Variants in IKZF2 observed in about 807,000 individuals in gnomAD.
The protein encoded by IKZF2 is zinc finger protein Helios.
Under a neutral mutation model 49.2 loss-of-function variants are expected in IKZF2, and 15 were observed. The ratio of observed to expected loss-of-function variants is 0.30; its 90% confidence interval spans 0.20 to 0.47. The LOEUF (loss-of-function observed/expected upper bound fraction) is 0.47. IKZF2 is among the 20% of genes least tolerant of loss of function. The pLI, the probability that IKZF2 is intolerant of heterozygous loss-of-function variation, is 1.00. For synonymous variants in IKZF2, 227 were observed against 221.4 expected (o/e 1.03, Z -0.23); for missense variants, 567 against 664.6 (o/e 0.85, Z 1.61).
intron 4 of IKZF2, among the ~76,000 whole-genome samples, chr2:213,066,767 T>C (rs1006616086): frequency 2.0e-5 from 3 of 152,080 alleles, no homozygotes; most frequent in African/African-American, 7.2e-5. Context: ...AATGAATGAA[T>C]GAGCATTTTA....
chr2:213,079,036 G>C (rs1703594390), intron 4 of IKZF2, among the ~76,000 whole-genome samples: 1 of 152,174 alleles, frequency 6.6e-6, no homozygotes, highest in Non-Finnish European at 1.5e-5. Flanking sequence ...TGCTATTGTT[G>C]TTGCTGTCTA....
intron 4 of IKZF2, among the ~76,000 whole-genome samples, chr2:213,134,608 G>C (rs982160523): frequency 5.3e-5 from 8 of 152,030 alleles, no homozygotes; most frequent in Non-Finnish European, 8.8e-5. Context: ...AATCCCTTAG[G>C]ACCCAGTTCT....
chr2:213,122,863 A>G (rs771540165), intron 4 of IKZF2, among the ~76,000 whole-genome samples: 15 of 152,204 alleles, frequency 9.9e-5, no homozygotes, highest in Non-Finnish European at 1.9e-4. Context: ...AGCTAGGGTC[A>G]GCTCCTCCTC....
intron 4 of IKZF2, among the ~76,000 whole-genome samples, chr2:213,071,789 T>C (rs1443611418): frequency 6.6e-6 from 1 of 152,106 alleles, no homozygotes; most frequent in Admixed American, 6.6e-5. Context: ...TATCAACAGG[T>C]AGTTCTCACT....
chr2:213,009,337 T>C (rs1265639717), intron 8 of IKZF2, among the ~76,000 whole-genome samples: 2 of 152,174 alleles, frequency 1.3e-5, no homozygotes, highest in Non-Finnish European at 2.9e-5. Context: ...ACAGAATATT[T>C]AGTCTTTTAC....
At chr2:213,038,083 CAG>C (rs1403831389) in intron 6 of IKZF2, among the ~76,000 whole-genome samples, 2 of 151,064 alleles carry the variant, frequency 1.3e-5, no homozygotes, top group South Asian at 4.2e-4. Flanking sequence ...TTTTTTGAGA[CAG>C]AGTCTCACTC....
At chr2:213,066,076 G>A (rs1270542157) in intron 4 of IKZF2, among the ~76,000 whole-genome samples, 2 of 152,034 alleles carry the variant, frequency 1.3e-5, no homozygotes, top group South Asian at 2.1e-4. Flanking sequence ...TCTGCTTAAC[G>A]TAACTGTAAG....
chr2:213,062,405 G>A (rs1051792604), intron 4 of IKZF2, among the ~76,000 whole-genome samples: 3 of 151,646 alleles, frequency 2.0e-5, no homozygotes, highest in African/African-American at 7.2e-5. Context: ...TGATCTTATA[G>A]AGTATAAAAT....
intron 4 of IKZF2, among the ~76,000 whole-genome samples, chr2:213,090,009 T>G (rs1212917655): frequency 2.0e-5 from 3 of 152,162 alleles, no homozygotes; most frequent in Non-Finnish European, 4.4e-5. Flanking sequence ...GGGAGAGACC[T>G]CCTGCCAAAA....
chr2:213,104,607 C>T (rs1330476427), intron 4 of IKZF2, among the ~76,000 whole-genome samples: 3 of 152,088 alleles, frequency 2.0e-5, no homozygotes, highest in South Asian at 2.1e-4. Flanking sequence ...CTAGATAGTA[C>T]GCAGAGTACG....
intron 1 of IKZF2, chr2:213,150,511 C>T (rs1405641957): frequency 7.9e-6 from 2 of 253,450 alleles, no homozygotes; most frequent in South Asian, 4.6e-5. Context: ...ACCCCTCCCC[C>T]TCGTCCCTTA....
chr2:213,063,344 G>T (rs140832181), intron 4 of IKZF2, among the ~76,000 whole-genome samples: 1 of 151,924 alleles, frequency 6.6e-6, no homozygotes, highest in East Asian at 1.9e-4. Context: ...CAATAGTGTA[G>T]TAAAGTTACC....
chr2:213,008,807 G>C (rs187045719), intron 8 of IKZF2, among the ~76,000 whole-genome samples: 253 of 152,178 alleles, frequency 1.7e-3, no homozygotes, highest in Admixed American at 4.1e-3. Context: ...GAGTGATCTG[G>C]TTATAACATA....
intron 4 of IKZF2, among the ~76,000 whole-genome samples, chr2:213,099,631 TTTACCCAGTACATGTTA>T (rs1706421090): frequency 6.6e-6 from 1 of 152,100 alleles, no homozygotes; most frequent in Non-Finnish European, 1.5e-5. Context: ...AACAACATTC[TTTACCCAGTACATGTTA>T]TTACCTCCTC....
rs1009002416 is a variant in IKZF2 at position 213,001,682 on chromosome 2, TAGG to T, written c.*5675_*5677del. ...AGAGTTGACCTAATCTTCAAACTTT[TAGG>T]AGAACAGAGAGGTAAACATCCATAG... On this transcript the variant is annotated 3_prime_UTR_variant, in exon 9 of 9. Coordinates refer to ENST00000434687, the MANE Select transcript of IKZF2 (RefSeq NM_001387220.1). 1 of 151,756 alleles carries T rather than the reference TAGG, an allele frequency of 6.6e-6. No individual in the cohort carries two copies. The highest frequency in any genetic ancestry group is 2.4e-5 in the African/African-American group (1 of 41,340). 9.4% of individuals were successfully genotyped at this position (151,756 alleles called of 1,614,324 possible).
intron 7 of IKZF2, chr2:213,021,551 G>A: frequency 3.0e-6 from 1 of 328,220 alleles, no homozygotes; most frequent in Non-Finnish European, 5.8e-6. Context: ...GGTCTAGATT[G>A]TTTTGCACAT....
chr2:213,103,122 T>C (rs1305204958), intron 4 of IKZF2, among the ~76,000 whole-genome samples: 2 of 152,176 alleles, frequency 1.3e-5, no homozygotes, highest in Admixed American at 6.6e-5. Context: ...TTAAAAAATA[T>C]AAGTATTCTC....
intron 4 of IKZF2, among the ~76,000 whole-genome samples, chr2:213,086,160 A>G (rs1199542323): frequency 6.6e-6 from 1 of 152,180 alleles, no homozygotes; most frequent in Non-Finnish European, 1.5e-5. Flanking sequence ...CACCTAAAAC[A>G]CTGTACTAGT....
intron 6 of IKZF2, among the ~76,000 whole-genome samples, chr2:213,033,121 T>G (rs1419110444): frequency 6.6e-6 from 1 of 152,248 alleles, no homozygotes; most frequent in Non-Finnish European, 1.5e-5. Flanking sequence ...AACCACTTTC[T>G]TTGCCCATTG....
Sources: gnomAD v4.1 joint callset for allele counts (sites outside exome capture counted in the v4.1 genomes callset) on GRCh38, gnomAD v4.1.1 for gene constraint, MANE v1.5 for transcripts, NCBI Gene and HGNC (gene_info 2026-07-23, HGNC 2026-07-21) for gene names.